EXOC6: variants seen among roughly 807,000 people sequenced by gnomAD.
EXOC6 encodes SEC15-like 1.
A neutral mutation model predicts 112.5 loss-of-function variants in EXOC6; 60 were observed. That is an observed-to-expected ratio of 0.53 (90% CI 0.43 to 0.66). The LOEUF is 0.66. EXOC6 is among the 30% of genes least tolerant of loss of function. EXOC6 has a pLI of 0.00. For missense variants in EXOC6, 855 were observed against 957.1 expected, an observed-to-expected ratio of 0.89 and a Z score of 1.41; for synonymous variants, 295 against 308.0, an observed-to-expected ratio of 0.96 and a Z score of 0.44.
At chr10:92,980,458 C>CTCTT (rs10687721) in intron 18 of EXOC6, among the ~76,000 whole-genome samples, 67,339 of 151,574 alleles carry the variant, frequency 0.44, 15,849 homozygotes, top group African/African-American at 0.59. Context: ...AGTTTTAAAA[C>CTCTT]TATAGTATTA....
intron 1 of EXOC6, among the ~76,000 whole-genome samples, chr10:92,837,136 A>AC (rs1554878489): frequency 7.0e-4 from 106 of 150,784 alleles, no homozygotes; most frequent in Admixed American, 1.7e-3. Flanking sequence ...ACACACACAC[A>AC]AGCCAGAACA....
intron 8 of EXOC6, among the ~76,000 whole-genome samples, chr10:92,926,407 A>C (rs544851332): frequency 1.6e-4 from 24 of 152,018 alleles, no homozygotes; most frequent in Admixed American, 5.2e-4. Context: ...TCAAAAGAAA[A>C]ATGTAGACTT....
chr10:93,033,858 T>C (rs1845386722), intron 20 of EXOC6, among the ~76,000 whole-genome samples: 1 of 152,136 alleles, frequency 6.6e-6, no homozygotes, highest in Non-Finnish European at 1.5e-5. Flanking sequence ...AGTAATGAGA[T>C]AAAGTTGAAG....
At chr10:92,963,680 G>C (rs1854145035) in intron 17 of EXOC6, among the ~76,000 whole-genome samples, 1 of 151,876 alleles carries the variant, frequency 6.6e-6, no homozygotes, top group South Asian at 2.1e-4. Context: ...TTTTTGTAGA[G>C]ATAGGGTCTC....
At chr10:92,901,200 T>C (rs1314952471) in intron 5 of EXOC6, 1 of 152,220 alleles carries the variant, frequency 6.6e-6, no homozygotes, top group African/African-American at 2.4e-5. Context: ...CCAGATGTCT[T>C]TTGAAAAGGT....
intron 1 of EXOC6, chr10:92,834,828 G>A (rs777948686): frequency 6.4e-7 from 1 of 1,563,538 alleles, no homozygotes; most frequent in South Asian, 1.1e-5. Context: ...CTTTAAGGTA[G>A]GGCACCGTTG....
At chr10:92,958,870 C>T (rs566562825) in intron 17 of EXOC6, among the ~76,000 whole-genome samples, 3 of 151,932 alleles carry the variant, frequency 2.0e-5, no homozygotes, top group Admixed American at 6.6e-5. Context: ...GCGAGGTGGG[C>T]GGATCATGAG....
At chr10:92,905,601 C>T (rs1850397777) in intron 5 of EXOC6, among the ~76,000 whole-genome samples, 1 of 151,842 alleles carries the variant, frequency 6.6e-6, no homozygotes, top group South Asian at 2.1e-4. Flanking sequence ...CTACTGCTTC[C>T]ATGTAGTATG....
intron 20 of EXOC6, among the ~76,000 whole-genome samples, chr10:93,039,764 C>G (rs1845676753): frequency 6.6e-6 from 1 of 152,218 alleles, no homozygotes; most frequent in Non-Finnish European, 1.5e-5. Flanking sequence ...GTCTACTCAT[C>G]TTTTCACTTC....
upstream of EXOC6, among the ~76,000 whole-genome samples, chr10:92,834,458 T>C (rs555834974): frequency 2.6e-5 from 4 of 152,346 alleles, no homozygotes; most frequent in Non-Finnish European, 5.9e-5. Context: ...TGAATAAATA[T>C]AGCTGGCACT....
At chr10:92,953,860 A>G (rs377412319) in intron 15 of EXOC6, among the ~76,000 whole-genome samples, 1 of 152,254 alleles carries the variant, frequency 6.6e-6, no homozygotes, top group Non-Finnish European at 1.5e-5. Flanking sequence ...TAAAAAATCA[A>G]TGAAAATGGA....
At chr10:92,928,065 G>C (rs1337995496) in intron 8 of EXOC6, among the ~76,000 whole-genome samples, 1 of 152,032 alleles carries the variant, frequency 6.6e-6, no homozygotes, top group Non-Finnish European at 1.5e-5. Flanking sequence ...ATTTTGGTTT[G>C]GTCAATCAAA....
intron 17 of EXOC6, among the ~76,000 whole-genome samples, chr10:92,970,522 C>T (rs562803720): frequency 4.6e-5 from 7 of 152,314 alleles, no homozygotes; most frequent in African/African-American, 1.7e-4. Context: ...TATAAGTTAA[C>T]TATTTTGAGT....
chr10:92,851,268 AAGTC>A (rs1415841446), intron 1 of EXOC6, among the ~76,000 whole-genome samples: 1 of 151,414 alleles, frequency 6.6e-6, no homozygotes, highest in African/African-American at 2.4e-5. Flanking sequence ...GAAATACAGA[AAGTC>A]AGTGAAACTC....
intron 18 of EXOC6, among the ~76,000 whole-genome samples, chr10:92,977,950 G>A (rs899431881): frequency 3.9e-5 from 6 of 152,152 alleles, no homozygotes; most frequent in Admixed American, 6.5e-5. Context: ...TATCTGTTAC[G>A]ACATTTTGTA....
intron 6 of EXOC6, among the ~76,000 whole-genome samples, chr10:92,911,023 G>A (rs1240878561): frequency 1.3e-5 from 2 of 152,148 alleles, no homozygotes; most frequent in African/African-American, 2.4e-5. Context: ...TAAATGATGG[G>A]AGTTCATGAT....
At chr10:92,987,105 GA>G (rs1843039836) in intron 18 of EXOC6, among the ~76,000 whole-genome samples, 1 of 152,162 alleles carries the variant, frequency 6.6e-6, no homozygotes, top group Admixed American at 6.5e-5. Context: ...CGTTTTTGAA[GA>G]AATTGACATT....
At chr10:92,855,841 T>C (rs1165746041) in intron 1 of EXOC6, among the ~76,000 whole-genome samples, 1 of 152,046 alleles carries the variant, frequency 6.6e-6, no homozygotes, top group Non-Finnish European at 1.5e-5. Flanking sequence ...CTCTCTGTTT[T>C]ATTGATTTTT....
intron 5 of EXOC6, among the ~76,000 whole-genome samples, chr10:92,903,251 C>G (rs1213132259): frequency 4.6e-5 from 7 of 152,030 alleles, no homozygotes; most frequent in Non-Finnish European, 7.4e-5. Context: ...CACATCCTTG[C>G]AAACGTATGG....
Sources: allele counts gnomAD v4.1 joint callset (sites outside exome capture counted in the v4.1 genomes callset), GRCh38; gene constraint gnomAD v4.1.1; transcripts MANE v1.5; gene names NCBI Gene and HGNC (gene_info 2026-07-23, HGNC 2026-07-21).